RSPH14: variants seen among roughly 807,000 people sequenced by gnomAD.
The protein encoded by RSPH14 is rhabdoid tumor deletion region gene 1.
A neutral mutation model predicts 26.7 loss-of-function variants in RSPH14; 20 were observed. The ratio of observed to expected loss-of-function variants is 0.75; its 90% CI spans 0.53 to 1.09. The LOEUF is 1.09. RSPH14 is among the 50% of genes least tolerant of loss of function. RSPH14 has a pLI of 0.00. For missense variants in RSPH14, 449 were observed against 457.2 expected, an observed-to-expected ratio of 0.98 and a Z score of 0.16; for synonymous variants, 177 against 189.3, an observed-to-expected ratio of 0.93 and a Z score of 0.53.
intron 4 of RSPH14, among the ~76,000 whole-genome samples, chr22:23,100,854 T>G (rs986741536): frequency 1.1e-4 from 17 of 152,200 alleles, no homozygotes; most frequent in Non-Finnish European, 2.2e-4. Flanking sequence ...CAGGAGTGTA[T>G]GCAGTACCCT....
At chr22:23,147,144 C>G (rs1601883539), upstream of RSPH14, among the ~76,000 whole-genome samples, 1 of 152,290 alleles carries the variant, frequency 6.6e-6, no homozygotes, top group East Asian at 1.9e-4. Context: ...ACCCCAAATC[C>G]AGGGCTCTCT....
intron 4 of RSPH14, among the ~76,000 whole-genome samples, chr22:23,077,796 G>A (rs764895641): frequency 2.2e-4 from 33 of 152,184 alleles, no homozygotes; most frequent in Non-Finnish European, 2.5e-4. Context: ...ACTATGGGTG[G>A]GAGAACTTGG....
the RSPH14 span, among the ~76,000 whole-genome samples, chr22:23,155,731 T>G: frequency 2.0e-5 from 3 of 152,182 alleles, no homozygotes; most frequent in Non-Finnish European, 4.4e-5. Context: ...GCAGAACAAC[T>G]AATGCCACAC....
At chr22:23,078,166 G>A (rs548605374) in intron 4 of RSPH14, among the ~76,000 whole-genome samples, 1 of 152,334 alleles carries the variant, frequency 6.6e-6, no homozygotes, top group East Asian at 1.9e-4. Context: ...CCCCTCACCC[G>A]CTCAGTTACC....
chr22:23,081,331 G>C (rs2068672130), intron 4 of RSPH14, among the ~76,000 whole-genome samples: 1 of 152,194 alleles, frequency 6.6e-6, no homozygotes, highest in Admixed American at 6.5e-5. Context: ...AAGAGTTTGT[G>C]TCTCTGAAAA....
At chr22:23,158,825 C>G in the RSPH14 span, 18 of 1,387,402 alleles carry the variant, frequency 1.3e-5, no homozygotes, top group East Asian at 2.3e-5. Flanking sequence ...GGGGAGGTCC[C>G]AAGTGTGCCC....
At chr22:23,160,482 C>T in the RSPH14 span, among the ~76,000 whole-genome samples, 2 of 152,256 alleles carry the variant, frequency 1.3e-5, no homozygotes, top group Non-Finnish European at 2.9e-5. Context: ...CTCACAGCCC[C>T]ACCGGACAGG....
the RSPH14 span, among the ~76,000 whole-genome samples, chr22:23,151,366 G>T: frequency 6.6e-6 from 1 of 152,178 alleles, no homozygotes; most frequent in African/African-American, 2.4e-5. Context: ...CTCATTCATA[G>T]GAGAAATGGA....
chr22:23,150,113 G>A, the RSPH14 span: 2 of 1,612,596 alleles, frequency 1.2e-6, no homozygotes, highest in African/African-American at 2.7e-5. Flanking sequence ...TCCACGGGCA[G>A]GTCAGCGCTG....
In RSPH14 at chr22:23,134,036, C is replaced by T; in HGVS notation, c.411G>A (p.Gln137=). 1 of 1,613,578 alleles carries T rather than the reference C, an allele frequency of 6.2e-7. No homozygotes were observed. The highest frequency in any genetic ancestry group is 8.5e-7 in the Non-Finnish European group (1 of 1,179,628). ...NLYKAYMQLV[Q]VPRGAQEIIS... is the part of the protein sequence containing the mutation. ...AGGACGCAAGCCTACCTCTAGGCAC[C>T]TGGACCAGCTGCATGTATGCCTTGT... Residue 137 remains glutamine, a synonymous_variant, in exon 4 of 7, where the codon CAG becomes CAA. Transcript: ENST00000216036.
chr22:23,134,292 C>T, intron 3 of RSPH14, 148 bp from the exon 4 acceptor site: 5 of 618,468 alleles, frequency 8.1e-6, no homozygotes, highest in Non-Finnish European at 1.4e-5. Flanking sequence ...ACAAAGGCTA[C>T]AGGTGCGTGA....
At chr22:23,124,131 A>T (rs1009484773) in intron 4 of RSPH14, 3 of 210,092 alleles carry the variant, frequency 1.4e-5, no homozygotes, top group African/African-American at 7.2e-5. Flanking sequence ...CTGGGATTCC[A>T]GCTTTTCTTC....
In RSPH14 at chr22:23,071,455, T is replaced by C. The variant is rs2068373053; in HGVS notation, c.422-7322A>G. ...CGCCTGGTAGAGAGGTCTGTCTTGCTTGGGGAGACAGCTGAGCCCCTGACC... is the reference window on the plus strand; with the variant it reads ...CGCCTGGTAGAGAGGTCTGTCTTGCCTGGGGAGACAGCTGAGCCCCTGACC... On this transcript the variant is annotated intron_variant, in intron 4 of 6. Coordinates refer to ENST00000216036, the MANE Select transcript of RSPH14 (RefSeq NM_014433.3). The surrounding 1 kb of genome is among the most constrained non-coding windows in gnomAD (Gnocchi z 4.1). Among the ~76,000 whole-genome samples, 1 of 152,226 alleles carries C rather than the reference T, an allele frequency of 6.6e-6. No individual in the cohort carries two copies. The highest frequency in any genetic ancestry group is 6.5e-5 in the Admixed American group (1 of 15,284).
intron 4 of RSPH14, among the ~76,000 whole-genome samples, chr22:23,130,127 GAAAGAAA>G (rs1197986707): frequency 8.6e-4 from 93 of 107,940 alleles, no homozygotes; most frequent in Non-Finnish European, 1.6e-3. Context: ...AAGAAAGAAA[GAAAGAAA>G]GAAAGAAAGA....
chr22:23,157,869 G>A, the RSPH14 span: 16 of 1,562,772 alleles, frequency 1.0e-5, no homozygotes, highest in East Asian at 6.7e-5. Context: ...AGGAGGTTCC[G>A]GTGCTGAGTG....
chr22:23,073,617 C>T (rs556922030), intron 4 of RSPH14, among the ~76,000 whole-genome samples: 3 of 152,304 alleles, frequency 2.0e-5, no homozygotes, highest in African/African-American at 7.2e-5. Context: ...GTGCGAACAC[C>T]GCCAGGGGAG....
the RSPH14 span, chr22:23,159,074 G>A: frequency 6.3e-7 from 1 of 1,586,768 alleles, no homozygotes; most frequent in South Asian, 1.1e-5. Flanking sequence ...GAGGGAGGCA[G>A]CACAGTGGGA....
intron 4 of RSPH14, chr22:23,096,209 G>A (rs2069118493): frequency 6.2e-7 from 1 of 1,613,674 alleles, no homozygotes; most frequent in Non-Finnish European, 8.5e-7. Context: ...TATCCCCACT[G>A]TCGAGGACAT....
At chr22:23,145,408 G>T (rs767941237), upstream of RSPH14, 31 of 1,610,046 alleles carry the variant, frequency 1.9e-5, no homozygotes, top group South Asian at 1.2e-4. Context: ...ACGCGCCGCT[G>T]CCAGTCCAAC....
Sources: gnomAD v4.1 joint callset for allele counts (sites outside exome capture counted in the v4.1 genomes callset) on GRCh38, gnomAD v4.1.1 for gene constraint, Gnocchi (gnomAD v3.1) non-coding constraint, MANE v1.5 for transcripts, NCBI Gene and HGNC (gene_info 2026-07-23, HGNC 2026-07-21) for gene names.